The following ERC2 variants were observed in gnomAD, a reference collection of about 807,000 sequenced individuals.
ERC2 encodes the protein ERC protein 2.
ERC2 carries 42 observed loss-of-function variants against 114.8 expected under a neutral mutation model. That is an observed-to-expected ratio of 0.37 (90% CI 0.29 to 0.47). The LOEUF is 0.47. Among genes scored for constraint, ERC2 ranks in the 20% least tolerant of loss-of-function variants. The pLI, the probability that ERC2 is intolerant of heterozygous loss-of-function variation, is 0.99. For missense variants in ERC2, 939 were observed against 1,150.7 expected, an observed-to-expected ratio of 0.82 and a Z score of 2.66; for synonymous variants, 454 against 425.5, an observed-to-expected ratio of 1.07 and a Z score of -0.82.
chr3:56,461,806 A>G (rs533325136), intron 1 of ERC2, among the ~76,000 whole-genome samples: 4 of 152,254 alleles, frequency 2.6e-5, no homozygotes, highest in African/African-American at 4.8e-5. Context: ...TTCTATAAAT[A>G]TACTGAGGGT....
intron 15 of ERC2, among the ~76,000 whole-genome samples, chr3:55,712,420 G>A (rs989410213): frequency 4.6e-5 from 7 of 152,198 alleles, no homozygotes; most frequent in African/African-American, 1.7e-4. Flanking sequence ...GCTGGGATGT[G>A]AACAGAGTTG....
At chr3:56,347,906 G>T (rs2058368858) in intron 2 of ERC2, among the ~76,000 whole-genome samples, 2 of 152,126 alleles carry the variant, frequency 1.3e-5, no homozygotes, top group Non-Finnish European at 2.9e-5. Flanking sequence ...AATATTAAAT[G>T]CTCTCTGTTG....
At chr3:56,072,826 C>T (rs188265547) in intron 7 of ERC2, among the ~76,000 whole-genome samples, 1 of 152,280 alleles carries the variant, frequency 6.6e-6, no homozygotes, top group African/African-American at 2.4e-5. Context: ...GGTGGGCTAT[C>T]TCTGTTCTGT....
intron 2 of ERC2, among the ~76,000 whole-genome samples, chr3:56,332,165 CACAA>C (rs2057652485): frequency 1.3e-5 from 2 of 152,024 alleles, no homozygotes; most frequent in Middle Eastern, 3.4e-3. Context: ...CACACACACA[CACAA>C]GAGATTTCAA....
chr3:55,999,755 G>A lies in ERC2; in HGVS notation c.2061+7426C>T, dbSNP rs190144344. On this transcript the variant is annotated intron_variant, in intron 10 of 17. Transcript: ENST00000288221. ...CTGGAATAAATACAAGTTGGATCAGGTTTATGAATGGAAAGAAATAATATT... is the reference window on the plus strand; with the variant it reads ...CTGGAATAAATACAAGTTGGATCAGATTTATGAATGGAAAGAAATAATATT... Among the ~76,000 whole-genome samples the A allele has an allele frequency of 2.4e-3, 365 of 151,602 alleles. 2 individuals carry two copies. Among genetic ancestry groups the A allele is most frequent in the African/African-American group, 8.3e-3 (346 of 41,470 alleles).
intron 3 of ERC2, among the ~76,000 whole-genome samples, chr3:56,213,337 G>T (rs1255200308): frequency 6.6e-6 from 1 of 152,186 alleles, no homozygotes; most frequent in Non-Finnish European, 1.5e-5. Context: ...CTTTTCCTAT[G>T]GTCTTAGCAA....
intron 6 of ERC2, among the ~76,000 whole-genome samples, chr3:56,098,556 CATT>C (rs1419418682): frequency 2.6e-5 from 4 of 152,184 alleles, no homozygotes; most frequent in African/African-American, 7.2e-5. Context: ...CTTATGACAT[CATT>C]GAGACTGGTC....
At chr3:55,835,180 G>A (rs1040507438) in intron 14 of ERC2, among the ~76,000 whole-genome samples, 8 of 152,118 alleles carry the variant, frequency 5.3e-5, no homozygotes, top group Non-Finnish European at 8.8e-5. Flanking sequence ...GGTACAAGGA[G>A]GAACTGGTAC....
At chr3:56,276,917 T>C (rs2054039709) in intron 3 of ERC2, among the ~76,000 whole-genome samples, 1 of 152,178 alleles carries the variant, frequency 6.6e-6, no homozygotes, top group Non-Finnish European at 1.5e-5. Flanking sequence ...AAAACCATCC[T>C]GGGCCACATG....
chr3:55,627,636 A>G (rs147410588), intron 17 of ERC2, among the ~76,000 whole-genome samples: 6 of 152,320 alleles, frequency 3.9e-5, no homozygotes, highest in Non-Finnish European at 7.3e-5. Context: ...TCTTAAAGCC[A>G]CAGAAACACA....
At chr3:56,018,492 C>T (rs1363689908) in intron 8 of ERC2, among the ~76,000 whole-genome samples, 1 of 151,924 alleles carries the variant, frequency 6.6e-6, no homozygotes, top group Non-Finnish European at 1.5e-5. Flanking sequence ...AACAGAGAAC[C>T]TGGAAAAAGA....
intron 13 of ERC2, among the ~76,000 whole-genome samples, chr3:55,903,881 T>C (rs1348891614): frequency 2.0e-5 from 3 of 152,338 alleles, no homozygotes; most frequent in Middle Eastern, 3.4e-3. Flanking sequence ...TGTTGATCTT[T>C]AGAGAAGTCA....
intron 3 of ERC2, among the ~76,000 whole-genome samples, chr3:56,213,537 C>A (rs2049226414): frequency 6.6e-6 from 1 of 152,176 alleles, no homozygotes; most frequent in Non-Finnish European, 1.5e-5. Flanking sequence ...CTGGGTGGAG[C>A]CCATCCCAGC....
At chr3:56,290,753 G>C (rs893700625) in intron 3 of ERC2, among the ~76,000 whole-genome samples, 1 of 152,202 alleles carries the variant, frequency 6.6e-6, no homozygotes, top group Non-Finnish European at 1.5e-5. Context: ...CTTTTGCCTT[G>C]GTGGATCTCC....
At chr3:56,107,113 A>T (rs2078705331) in intron 6 of ERC2, among the ~76,000 whole-genome samples, 2 of 152,140 alleles carry the variant, frequency 1.3e-5, no homozygotes, top group African/African-American at 4.8e-5. Flanking sequence ...ATCTTCCAAT[A>T]TATAGCCCCC....
chr3:55,688,316 C>T (rs2062443475), intron 16 of ERC2, among the ~76,000 whole-genome samples: 1 of 152,142 alleles, frequency 6.6e-6, no homozygotes, highest in African/African-American at 2.4e-5. Context: ...GGCCCAGTGA[C>T]ACAGGTGTCA....
In ERC2 at chr3:55,950,468, C is replaced by CGCACTT; in HGVS notation, c.2354_2359dup (p.Val786_Arg787insGlnVal). Reference sequence around the variant, plus strand: ...GTCAGCCATGCTGTCTTCTCGCCTGCGCACTTCTTCTAGTAACTGAGCATT... The same window carrying CGCACTT: ...GTCAGCCATGCTGTCTTCTCGCCTGCGCACTTGCACTTCTTCTAGTAACTGAGCATT... On this transcript the variant is annotated inframe_insertion, in exon 13 of 18. Coordinates refer to ENST00000288221, the MANE Select transcript of ERC2 (RefSeq NM_015576.3). The CGCACTT allele has an allele frequency of 6.2e-7, 1 of 1,614,024 alleles. No individual in the cohort carries two copies. Among genetic ancestry groups the CGCACTT allele is most frequent in the Non-Finnish European group, 8.5e-7 (1 of 1,179,890 alleles).
At position 56,434,636 on chromosome 3, in the gene ERC2, C is replaced by T; in HGVS notation, c.372G>A (p.Leu124=). 6.2e-7 allele frequency: 1 copy of T among 1,613,964 alleles called. No homozygotes were observed. The highest frequency in any genetic ancestry group is 8.5e-7 in the Non-Finnish European group (1 of 1,179,886). ...GGTGGTGATGATGGGATGAGCCAGT[C>T]AGCCCACCATGTTGATCTGTGTATG... The part of the protein sequence containing the change: ...VLSYTDQHGG[L]TGSSHHHHHQ... Residue 124 remains leucine, a synonymous_variant, in exon 2 of 18, where the codon CTG becomes CTA. Coordinates refer to ENST00000288221, the MANE Select transcript of ERC2 (RefSeq NM_015576.3).
intron 3 of ERC2, among the ~76,000 whole-genome samples, chr3:56,239,659 C>T (rs1222925017): frequency 6.6e-6 from 1 of 152,212 alleles, no homozygotes; most frequent in East Asian, 1.9e-4. Context: ...AAATACTAAT[C>T]TGAGTTTTAA....
Sources: gnomAD v4.1 joint callset for allele counts (sites outside exome capture counted in the v4.1 genomes callset) on GRCh38, gnomAD v4.1.1 for gene constraint, MANE v1.5 for transcripts, NCBI Gene and HGNC (gene_info 2026-07-23, HGNC 2026-07-21) for gene names.